RP1: variants seen among roughly 807,000 people sequenced by gnomAD.
RP1 encodes oxygen-regulated protein 1.
In RP1, 16 loss-of-function variants were observed where a neutral mutation model predicts 14.8. The ratio of observed to expected loss-of-function variants is 1.08; its 90% CI spans 0.73 to 1.65. RP1 has a LOEUF of 1.65. RP1 is among the 40% of genes most tolerant of loss of function. RP1 has a pLI of 0.00. For missense variants in RP1, 2,631 were observed against 2,535.0 expected (o/e 1.04, Z -0.81); for synonymous variants, 876 against 883.6 (o/e 0.99, Z 0.15).
chr8:54,703,792 A>G (rs1808086141), intron 14 of RP1, among the ~76,000 whole-genome samples: 1 of 152,186 alleles, frequency 6.6e-6, no homozygotes, highest in African/African-American at 2.4e-5. Context: ...GTAACTTGCT[A>G]CAGCTTCTCC....
At chr8:54,610,562 T>C (rs886883855) in intron 1 of RP1, among the ~76,000 whole-genome samples, 2 of 152,200 alleles carry the variant, frequency 1.3e-5, no homozygotes, top group Non-Finnish European at 2.9e-5. Context: ...CTAATATGCT[T>C]TTCAAGGTGA....
chr8:54,706,407 A>C (rs1164060643), intron 14 of RP1: 3 of 1,529,282 alleles, frequency 2.0e-6, no homozygotes, highest in Non-Finnish European at 2.6e-6. Flanking sequence ...CGAGCCCGTT[A>C]CTGACTGCCT....
At position 54,629,162 on chromosome 8, in the gene RP1, T is replaced by C; in HGVS notation, c.5280T>C (p.Asn1760=). ...ENHLLRMSSE[N]PGMCGNADTT... is the part of the protein sequence containing the mutation. ...ATTTGCTAAGGATGTCATCTGAAAATCCTGGCATGTGTGGCAATGCAGACA... is the reference window on the plus strand; with the variant it reads ...ATTTGCTAAGGATGTCATCTGAAAACCCTGGCATGTGTGGCAATGCAGACA... The change falls in exon 4 of 4, where the codon AAT becomes AAC. Residue 1760 remains asparagine (N), a synonymous_variant. Transcript: ENST00000220676. 6.2e-7 allele frequency: 1 copy of C among 1,614,046 alleles called. No individual in the cohort carries two copies. Among genetic ancestry groups the C allele is most frequent in the Non-Finnish European group, 8.5e-7 (1 of 1,179,950 alleles).
At position 54,621,328 on chromosome 8, in the gene RP1, G is replaced by A. The variant is rs780820751; in HGVS notation, c.362G>A (p.Arg121His). 8.7e-6 allele frequency: 14 copies of A among 1,612,112 alleles called. No homozygotes were observed. Among genetic ancestry groups the A allele is most frequent in the Non-Finnish European group, 1.2e-5 (14 of 1,179,066 alleles). Residue 121 changes from arginine (R) to histidine (H), a missense_variant, in exon 2 of 4, where the codon CGT becomes CAT. By Grantham distance (29) the Arg-to-His change is conservative. Transcript: ENST00000220676. ...KVQPVDLDKARRRPRPWLSSR... is the reference protein window; with the variant it reads ...KVQPVDLDKAHRRPRPWLSSR... ...CAGCCTGTAGACCTGGACAAAGCCC[G>A]TCGGCGCCCGCGGCCCTGGCTCAGC...
intron 26 of RP1, chr8:54,852,752 G>C: frequency 8.1e-7 from 1 of 1,230,832 alleles, no homozygotes; most frequent in Non-Finnish European, 1.0e-6. Flanking sequence ...GTCTTCATCA[G>C]TTTTTACCGA....
At chr8:54,746,618 T>A (rs1482948282) in intron 19 of RP1, among the ~76,000 whole-genome samples, 1 of 152,216 alleles carries the variant, frequency 6.6e-6, no homozygotes, top group Non-Finnish European at 1.5e-5. Flanking sequence ...TGTTAGCAAA[T>A]GCTGTTAAAT....
chr8:54,584,768 C>G (rs1804879379), intron 1 of RP1, among the ~76,000 whole-genome samples: 1 of 152,086 alleles, frequency 6.6e-6, no homozygotes, highest in Non-Finnish European at 1.5e-5. Context: ...CCTTCTTTGT[C>G]TCTTTTGATC....
chr8:54,848,733 A>G (rs887370057), intron 25 of RP1, among the ~76,000 whole-genome samples: 8 of 152,128 alleles, frequency 5.3e-5, no homozygotes, highest in Non-Finnish European at 1.0e-4. Context: ...CTTTCCCAAG[A>G]TGATATTTTT....
At chr8:54,868,643 T>C (rs938771494) in intron 28 of RP1, among the ~76,000 whole-genome samples, 2 of 152,226 alleles carry the variant, frequency 1.3e-5, no homozygotes, top group Non-Finnish European at 2.9e-5. Flanking sequence ...GATATAACTA[T>C]GATTTTGTGA....
chr8:54,732,565 A>C lies in RP1; in HGVS notation c.2522-1980A>C, dbSNP rs114994627. 4.3e-3 allele frequency among the ~76,000 whole-genome samples: 660 copies of C among 152,266 alleles called. 3 individuals are homozygous for C. Among genetic ancestry groups the C allele is most frequent in the African/African-American group, 0.015 (628 of 41,576 alleles). On this transcript the variant is annotated intron_variant, in intron 17 of 22. Transcript: ENST00000636932. ...AGTGATTCTTTTAGATGAATAAGAT[A>C]TCCATAAGATAGTAAGTAAGTGAAT...
At chr8:54,595,404 CG>C (rs1805120247) in intron 1 of RP1, among the ~76,000 whole-genome samples, 1 of 152,170 alleles carries the variant, frequency 6.6e-6, no homozygotes, top group Admixed American at 6.5e-5. Context: ...GCTGGGATTA[CG>C]GGTGTGAGAC....
At position 54,825,823 on chromosome 8, in the gene RP1, C is replaced by T. The variant is rs573732554; in HGVS notation, c.3616-11627C>T. 1.4e-4 allele frequency among the ~76,000 whole-genome samples: 22 copies of T among 152,134 alleles called. 1 individual carries two copies. Among genetic ancestry groups the T allele is most frequent in the South Asian group, 6.2e-4 (3 of 4,820 alleles). On this transcript the variant is annotated intron_variant, in intron 24 of 28. Transcript: ENST00000637698. ...AGGATGGCTCATGCCTGTAATTCCA[C>T]TGTGGGGGGCAGAGCAGAGGATGAA...
At chr8:54,826,239 A>G (rs1811384381) in intron 24 of RP1, among the ~76,000 whole-genome samples, 2 of 152,226 alleles carry the variant, frequency 1.3e-5, no homozygotes, top group Admixed American at 6.5e-5. Context: ...ACATTTTTGT[A>G]GGCAAAAATG....
At chr8:54,643,509 G>A (rs423841) in intron 3 of RP1, among the ~76,000 whole-genome samples, 89,301 of 151,950 alleles carry the variant, frequency 0.59, 27,339 homozygotes, top group Middle Eastern at 0.77. Context: ...ATTCATCCAA[G>A]CTGTTACATC....
At chr8:54,774,447 G>A (rs1809986180), downstream of RP1, among the ~76,000 whole-genome samples, 1 of 152,166 alleles carries the variant, frequency 6.6e-6, no homozygotes, top group African/African-American at 2.4e-5. Flanking sequence ...AACAAGTTTA[G>A]AATCAAAAGG....
chr8:54,734,712 C>G, exon 18 of RP1: 2 of 1,534,028 alleles, frequency 1.3e-6, no homozygotes, highest in Non-Finnish European at 1.7e-6. Flanking sequence ...CTCAGAGCAG[C>G]TCTTCCTTCC....
At chr8:54,840,590 T>G (rs1263625981) in intron 25 of RP1, among the ~76,000 whole-genome samples, 1 of 113,644 alleles carries the variant, frequency 8.8e-6, no homozygotes, top group African/African-American at 3.3e-5. Context: ...ATTTGTTACA[T>G]GCAAAAAAAA....
At chr8:54,597,549 C>A (rs1432075704) in intron 1 of RP1, among the ~76,000 whole-genome samples, 3 of 152,090 alleles carry the variant, frequency 2.0e-5, no homozygotes, top group Non-Finnish European at 2.9e-5. Context: ...TTCTCATTAG[C>A]AATTATTTCT....
At chr8:54,667,382 C>T (rs1367222111) in intron 7 of RP1, among the ~76,000 whole-genome samples, 1 of 152,102 alleles carries the variant, frequency 6.6e-6, no homozygotes, top group Non-Finnish European at 1.5e-5. Flanking sequence ...TAACTTGGAG[C>T]CATGACAGAA....
Sources: gnomAD v4.1 joint callset for allele counts (sites outside exome capture counted in the v4.1 genomes callset) on GRCh38, gnomAD v4.1.1 for gene constraint, MANE v1.5 for transcripts, NCBI Gene and HGNC (gene_info 2026-07-23, HGNC 2026-07-21) for gene names.